The following PRICKLE1 variants were observed in gnomAD, a reference collection of about 807,000 sequenced individuals.
The protein encoded by PRICKLE1 is prickle-like protein 1.
Under a neutral mutation model 70.2 loss-of-function variants are expected in PRICKLE1, and 14 were observed. The ratio of observed to expected loss-of-function variants is 0.20; its 90% CI spans 0.13 to 0.31. The LOEUF (loss-of-function observed/expected upper bound fraction) is 0.31, where lower values mean the gene tolerates loss of function less well. Ranked by LOEUF, PRICKLE1 falls within the 10% of genes least tolerant of loss-of-function variation. The pLI, the probability that PRICKLE1 is intolerant of heterozygous loss-of-function variation, is 1.00. For missense variants in PRICKLE1, 821 were observed against 1,026.2 expected, an observed-to-expected ratio of 0.80 and a Z score of 2.73; for synonymous variants, 357 against 379.9, an observed-to-expected ratio of 0.94 and a Z score of 0.70.
intron 1 of PRICKLE1, among the ~76,000 whole-genome samples, chr12:42,559,512 C>T (rs1360343432): frequency 6.6e-6 from 1 of 151,516 alleles, no homozygotes; most frequent in Non-Finnish European, 1.5e-5. Flanking sequence ...TCTCAAGTAC[C>T]TGTTACTACA....
At chr12:42,552,830 T>C (rs1235983881) in intron 1 of PRICKLE1, among the ~76,000 whole-genome samples, 1 of 152,232 alleles carries the variant, frequency 6.6e-6, no homozygotes, top group African/African-American at 2.4e-5. Context: ...ACCCGTTTCA[T>C]GGAAGACACG....
At chr12:42,493,815 ACCACTGTAC>A (rs1329044288) in intron 1 of PRICKLE1, among the ~76,000 whole-genome samples, 2 of 151,452 alleles carry the variant, frequency 1.3e-5, no homozygotes, top group Non-Finnish European at 2.9e-5. Flanking sequence ...CTCTGATTGC[ACCACTGTAC>A]CCCAGCCTGG....
chr12:42,536,362 T>A (rs898577476), intron 1 of PRICKLE1, among the ~76,000 whole-genome samples: 3 of 152,164 alleles, frequency 2.0e-5, no homozygotes, highest in Non-Finnish European at 4.4e-5. Context: ...CAAACTAATG[T>A]TAGGTCTGGG....
rs147939903 is a variant in PRICKLE1 at position 42,583,204 on chromosome 12, G to T, written c.-49+6261C>A. On this transcript the variant is annotated intron_variant, in intron 1 of 7. Coordinates refer to ENST00000345127, the MANE Select transcript of PRICKLE1 (RefSeq NM_153026.3). ...ACACAGAAGGCAGCATTTTAACTGG[G>T]GCAGAGGAGCTGGCCAACATAGAAA... 5.5e-3 allele frequency among the ~76,000 whole-genome samples: 843 copies of T among 151,960 alleles called. 3 individuals are homozygous for T. Among genetic ancestry groups the T allele is most frequent in the Middle Eastern group, 0.024 (7 of 294 alleles).
At position 42,578,743 on chromosome 12, in the gene PRICKLE1, T is replaced by TTTTATTTATTTATTTATTTA. The variant is rs10699517; in HGVS notation, c.-49+10702_-49+10721dup. ...CTGGCTACTATTTGTGTTTATTTCA[T>TTTTATTTATTTATTTATTTA]TTTATTTATTTATTTATTTATTTAT... On this transcript the variant is annotated intron_variant, in intron 1 of 7. Coordinates refer to ENST00000345127, the MANE Select transcript of PRICKLE1 (RefSeq NM_153026.3). 2.7e-3 allele frequency among the ~76,000 whole-genome samples: 392 copies of TTTTATTTATTTATTTATTTA among 146,270 alleles called. 2 individuals carry two copies. Among genetic ancestry groups the TTTTATTTATTTATTTATTTA allele is most frequent in the East Asian group, 6.4e-3 (32 of 4,984 alleles).
At chr12:42,512,823 G>A (rs903857238) in intron 1 of PRICKLE1, among the ~76,000 whole-genome samples, 1 of 152,044 alleles carries the variant, frequency 6.6e-6, no homozygotes, top group East Asian at 1.9e-4. Context: ...ACGTTCGGCT[G>A]ATTTTGGCCC....
At chr12:42,557,802 C>G (rs1341048428) in intron 1 of PRICKLE1, among the ~76,000 whole-genome samples, 2 of 152,166 alleles carry the variant, frequency 1.3e-5, no homozygotes, top group Admixed American at 6.5e-5. Flanking sequence ...TTCTCTCTCT[C>G]TGTGTAAAAG....
At chr12:42,573,014 TAA>T (rs111792737) in intron 1 of PRICKLE1, among the ~76,000 whole-genome samples, 10 of 151,896 alleles carry the variant, frequency 6.6e-5, no homozygotes, top group African/African-American at 1.9e-4. Context: ...CTTGTATGTT[TAA>T]AAAATTTTTT....
chr12:42,489,175 G>A (rs1013948707), intron 1 of PRICKLE1, among the ~76,000 whole-genome samples: 2 of 149,772 alleles, frequency 1.3e-5, no homozygotes, highest in African/African-American at 4.9e-5. Context: ...TGCCCACCTC[G>A]GCCTCCCAAA....
chr12:42,511,248 C>T (rs148768110), intron 1 of PRICKLE1, among the ~76,000 whole-genome samples: 92 of 152,296 alleles, frequency 6.0e-4, no homozygotes, highest in African/African-American at 2.2e-3. Context: ...GACAGGGTCT[C>T]ATTATTCTAC....
At chr12:42,513,714 T>A (rs2406678) in intron 1 of PRICKLE1, among the ~76,000 whole-genome samples, 2 of 151,910 alleles carry the variant, frequency 1.3e-5, no homozygotes, top group African/African-American at 4.8e-5. Context: ...TATAATAGGC[T>A]GGGTGCAGCC....
At chr12:42,514,887 CTCTATCTATCTA>C (rs150030888) in intron 1 of PRICKLE1, among the ~76,000 whole-genome samples, 7,265 of 139,734 alleles carry the variant, frequency 0.052, 200 homozygotes, top group East Asian at 0.13. Context: ...TTAAGGCTCG[CTCTATCTATCTA>C]TCTATCTATC....
At chr12:42,555,857 C>T (rs1940405612) in intron 1 of PRICKLE1, among the ~76,000 whole-genome samples, 1 of 152,188 alleles carries the variant, frequency 6.6e-6, no homozygotes. Context: ...GCAATAACCT[C>T]ACTCCTAACC....
intron 1 of PRICKLE1, among the ~76,000 whole-genome samples, chr12:42,499,894 A>G (rs1483165938): frequency 6.6e-6 from 1 of 151,208 alleles, no homozygotes; most frequent in Non-Finnish European, 1.5e-5. Context: ...TGCCTGGCTA[A>G]TTTTTGTAGT....
intron 1 of PRICKLE1, among the ~76,000 whole-genome samples, chr12:42,584,871 T>C (rs1168139080): frequency 6.6e-6 from 1 of 152,152 alleles, no homozygotes; most frequent in Non-Finnish European, 1.5e-5. Context: ...CATTGCATTA[T>C]TGACAGATCT....
At chr12:42,517,755 G>A (rs1325704377) in intron 1 of PRICKLE1, among the ~76,000 whole-genome samples, 1 of 152,120 alleles carries the variant, frequency 6.6e-6, no homozygotes, top group Admixed American at 6.5e-5. Context: ...CTAGTCTAAA[G>A]GGAGAGGAGA....
intron 1 of PRICKLE1, among the ~76,000 whole-genome samples, chr12:42,525,683 G>T (rs1264952313): frequency 1.3e-5 from 2 of 151,110 alleles, no homozygotes; most frequent in Non-Finnish European, 2.9e-5. Context: ...ATTGATTGTT[G>T]TGAGTGAGAG....
At chr12:42,486,179 A>G (rs938970412) in intron 1 of PRICKLE1, among the ~76,000 whole-genome samples, 4 of 152,216 alleles carry the variant, frequency 2.6e-5, no homozygotes, top group African/African-American at 9.6e-5. Context: ...TCTACAGAGA[A>G]GGCTTCAACT....
intron 1 of PRICKLE1, among the ~76,000 whole-genome samples, chr12:42,588,336 G>C (rs2120826739): frequency 6.6e-6 from 1 of 152,288 alleles, no homozygotes; most frequent in African/African-American, 2.4e-5. Context: ...TGATTAAGAC[G>C]AGGCAGTAGA....
Sources: gnomAD v4.1 joint callset for allele counts (sites outside exome capture counted in the v4.1 genomes callset) on GRCh38, gnomAD v4.1.1 for gene constraint, MANE v1.5 for transcripts, NCBI Gene and HGNC (gene_info 2026-07-23, HGNC 2026-07-21) for gene names.